The following GRIP2 variants were observed in gnomAD, a reference collection of about 807,000 sequenced individuals.
GRIP2 encodes the protein glutamate receptor interacting protein 2, also known as glutamate receptor-interacting protein 2.
Under a neutral mutation model 108.3 loss-of-function variants are expected in GRIP2, and 58 were observed. The observed-to-expected ratio is 0.54, with a 90% CI of 0.43 to 0.67. The LOEUF (loss-of-function observed/expected upper bound fraction) is 0.67, where lower values mean the gene tolerates loss of function less well. Among genes scored for constraint, GRIP2 ranks in the 30% least tolerant of loss-of-function variants. GRIP2 has a pLI of 0.00. For synonymous variants in GRIP2, 586 were observed against 598.2 expected (o/e 0.98, Z 0.30); for missense variants, 1,278 against 1,430.6 (o/e 0.89, Z 1.72).
chr3:14,599,794 C>T, the GRIP2 span, among the ~76,000 whole-genome samples: 1 of 151,426 alleles, frequency 6.6e-6, no homozygotes, highest in Admixed American at 6.6e-5. Flanking sequence ...CAAGTTACCC[C>T]CAATCCCTCA....
At chr3:14,574,416 G>C in the GRIP2 span, 9 of 743,378 alleles carry the variant, frequency 1.2e-5, no homozygotes, top group Admixed American at 1.7e-4. Flanking sequence ...CTTGGGCTGC[G>C]AGGCTGCGGT....
chr3:14,540,158 G>A lies in GRIP2; in HGVS notation c.40+111C>T. 2.9e-6 allele frequency: 4 copies of A among 1,356,674 alleles called. No individual in the cohort carries two copies. The highest frequency in any genetic ancestry group is 3.0e-6 in the Non-Finnish European group (3 of 991,536). The allele number at this position is 1,356,674 out of a possible 1,614,324, so 84.0% of individuals were successfully genotyped here. ...CCTCCCCAAGCCCTGGGTCTCCAGG[G>A]AGTGGCAGTCCCAGGTCTCAGCCAT... On this transcript the variant is annotated intron_variant, in intron 1 of 23. Transcript: ENST00000621039. The surrounding 1 kb of genome is among the most constrained non-coding windows in gnomAD (Gnocchi z 4.1).
At chr3:14,543,343 G>A (rs553714984), upstream of GRIP2, among the ~76,000 whole-genome samples, 6 of 152,352 alleles carry the variant, frequency 3.9e-5, no homozygotes, top group South Asian at 4.1e-4. Flanking sequence ...TTTGAGGAGC[G>A]CTGTATTAAA....
chr3:14,558,345 C>T (rs1695267619), upstream of GRIP2, among the ~76,000 whole-genome samples: 1 of 152,170 alleles, frequency 6.6e-6, no homozygotes, highest in South Asian at 2.1e-4. Context: ...GCCTGGCTGG[C>T]TTAGCCCAGG....
chr3:14,570,419 C>A, the GRIP2 span, among the ~76,000 whole-genome samples: 1 of 152,072 alleles, frequency 6.6e-6, no homozygotes, highest in Non-Finnish European at 1.5e-5. Context: ...GGTGTCTGGG[C>A]CAGCTGGGGC....
the GRIP2 span, among the ~76,000 whole-genome samples, chr3:14,577,491 C>T: frequency 6.6e-6 from 1 of 152,206 alleles, no homozygotes; most frequent in Non-Finnish European, 1.5e-5. Context: ...TCCTAGTGTG[C>T]CCCATTGCCC....
At chr3:14,509,348 A>C (rs1694019291) in intron 17 of GRIP2, among the ~76,000 whole-genome samples, 2 of 152,004 alleles carry the variant, frequency 1.3e-5, no homozygotes, top group Non-Finnish European at 1.5e-5. Flanking sequence ...CCTCCACCTC[A>C]CCCTGGGACA....
chr3:14,571,724 A>G, the GRIP2 span, among the ~76,000 whole-genome samples: 22 of 152,288 alleles, frequency 1.4e-4, no homozygotes, highest in African/African-American at 5.1e-4. Flanking sequence ...ATCTGCACAC[A>G]TCTGTGCCCC....
rs547307434 is a variant in GRIP2 at position 14,527,043 on chromosome 3, C to T, written c.41-1112G>A. ...CTCTACAAAAAATGCAAAAATTGGC[C>T]GGGCATGGTGGTGCATGCCTATAGT... is the stretch of plus-strand genomic sequence containing the variant. On this transcript the variant is annotated intron_variant, in intron 1 of 23. Transcript: ENST00000621039. Among the ~76,000 whole-genome samples, 26 of 152,136 alleles carry T rather than the reference C, an allele frequency of 1.7e-4. No homozygotes were observed. In the East Asian group the frequency reaches 2.7e-3, roughly 16 times the overall value.
intron 1 of GRIP2, among the ~76,000 whole-genome samples, chr3:14,539,885 C>T (rs944457676): frequency 3.3e-5 from 5 of 152,292 alleles, no homozygotes; most frequent in African/African-American, 9.6e-5. Context: ...GCCTTGGGCT[C>T]TCACCCCTCT....
At chr3:14,514,228 G>A (rs1575005351) in intron 12 of GRIP2, 64 bp downstream of exon 12, 2 of 1,373,340 alleles carry the variant, frequency 1.5e-6, no homozygotes, top group East Asian at 2.6e-5. Context: ...GCTAGGGCTT[G>A]GTGCTGTGAC....
At chr3:14,494,811 C>A (rs75594264) in intron 23 of GRIP2, 32 bp downstream of exon 23, 4 of 1,597,018 alleles carry the variant, frequency 2.5e-6, no homozygotes, top group South Asian at 1.1e-5. Flanking sequence ...AACAATGCCA[C>A]CCCCACTATG....
chr3:14,602,502 C>G, the GRIP2 span, among the ~76,000 whole-genome samples: 2 of 152,112 alleles, frequency 1.3e-5, no homozygotes, highest in Admixed American at 1.3e-4. The surrounding 1 kb of genome is among the most constrained non-coding windows in gnomAD (Gnocchi z 4.7). Flanking sequence ...GGCCACCTCC[C>G]GACACCCGGC....
At chr3:14,561,665 C>A in the GRIP2 span, among the ~76,000 whole-genome samples, 1 of 152,260 alleles carries the variant, frequency 6.6e-6, no homozygotes, top group Admixed American at 6.5e-5. Context: ...TTGCTGCCAT[C>A]CCCGCCTGCT....
rs1367078622 is a variant in GRIP2 at position 14,512,226 on chromosome 3, G to A, written c.1720+551C>T. Among the ~76,000 whole-genome samples, 1 of 152,142 alleles carries A rather than the reference G, an allele frequency of 6.6e-6. No individual in the cohort carries two copies. The highest frequency in any genetic ancestry group is 1.9e-4 in the East Asian group (1 of 5,182). ...GAGGGCTTGAGTTGGGGAGAGTCGG[G>A]AGATGAGGTCAGAGGTCATGGGGTC... is the stretch of plus-strand genomic sequence containing the variant. On this transcript the variant is annotated intron_variant, in intron 14 of 23. Coordinates refer to ENST00000621039, the MANE Select transcript of GRIP2 (RefSeq NM_001080423.4). The surrounding 1 kb of genome is among the most constrained non-coding windows in gnomAD (Gnocchi z 5.1).
the GRIP2 span, chr3:14,573,920 C>T: frequency 3.6e-6 from 4 of 1,124,596 alleles, no homozygotes; most frequent in Admixed American, 1.9e-5. Context: ...TGCAGCAGGC[C>T]GAGTGCTTCT....
At chr3:14,571,239 C>T in the GRIP2 span, among the ~76,000 whole-genome samples, 1 of 152,122 alleles carries the variant, frequency 6.6e-6, no homozygotes, top group Non-Finnish European at 1.5e-5. Flanking sequence ...CATGTGTGTG[C>T]TTTACTCCAG....
chr3:14,589,144 A>T, the GRIP2 span, among the ~76,000 whole-genome samples: 9 of 151,702 alleles, frequency 5.9e-5, no homozygotes, highest in African/African-American at 2.2e-4. Context: ...AACACCAGGC[A>T]CTAGACACAA....
chr3:14,534,093 C>T (rs1037959132), intron 1 of GRIP2, among the ~76,000 whole-genome samples: 7 of 152,106 alleles, frequency 4.6e-5, no homozygotes, highest in African/African-American at 1.2e-4. Context: ...GAAAGGTGCC[C>T]GGAAGGAATG....
Sources: allele counts gnomAD v4.1 joint callset (sites outside exome capture counted in the v4.1 genomes callset), GRCh38; gene constraint gnomAD v4.1.1; non-coding constraint Gnocchi (gnomAD v3.1); transcripts MANE v1.5; gene names NCBI Gene and HGNC (gene_info 2026-07-23, HGNC 2026-07-21).